Variants in INSIG1 observed in about 807,000 individuals in gnomAD.
The protein encoded by INSIG1 is insulin-induced gene 1 protein.
A neutral mutation model predicts 26.5 loss-of-function variants in INSIG1; 14 were observed. The observed-to-expected ratio is 0.53, with a 90% CI of 0.35 to 0.83. The LOEUF is 0.83. Among genes scored for constraint, INSIG1 ranks in the 40% least tolerant of loss-of-function variants. The probability of loss-of-function intolerance (pLI) is 0.01; values close to 1 mark genes in which losing one functional copy is unlikely to be tolerated. For missense variants in INSIG1, 272 were observed against 368.9 expected (o/e 0.74, Z 2.15); for synonymous variants, 147 against 153.3 (o/e 0.96, Z 0.30).
intron 3 of INSIG1, 85 bp downstream of exon 3, chr7:155,301,775 C>T: frequency 1.6e-6 from 2 of 1,280,714 alleles, no homozygotes; most frequent in South Asian, 2.4e-5. Context: ...ACTCAAATGA[C>T]TCCATGTCAT....
rs532177862 is a variant in INSIG1 at position 155,297,991 on chromosome 7, C to G, written c.-28+32C>G. 2.4e-4 allele frequency: 67 copies of G among 284,258 alleles called. No homozygotes were observed. In the East Asian group the frequency reaches 3.3e-3, roughly 14 times the overall value. The allele number at this position is 284,258 out of a possible 1,614,324, so 17.6% of individuals were successfully genotyped here. Reference sequence around the variant, plus strand: ...GGCCGGCTGGGATAGGGGTCGCGGGCGGGCTTTGGTCGCGCAGCAGCCGGT... The same window carrying G: ...GGCCGGCTGGGATAGGGGTCGCGGGGGGGCTTTGGTCGCGCAGCAGCCGGT... On this transcript the variant is annotated intron_variant, in intron 1 of 5. Transcript: ENST00000340368.
Position 155,302,166 on chromosome 7 carries a change from T to C in INSIG1, c.538-85T>C, listed in dbSNP as rs1797806429. 1 of 1,016,252 alleles carries C rather than the reference T, an allele frequency of 9.8e-7. No homozygotes were observed. The highest frequency in any genetic ancestry group is 1.9e-5 in the South Asian group (1 of 53,614). The allele number at this position is 1,016,252 out of a possible 1,614,324, so 63.0% of individuals were successfully genotyped here. ...AATTATCTGTGGTACAATAATAAAA[T>C]ACCCATGTTTTTAACCCTTGTGGTT... On this transcript the variant is annotated intron_variant, in intron 3 of 5. Transcript: ENST00000340368. The surrounding 1 kb of genome is among the most constrained non-coding windows in gnomAD (Gnocchi z 4.3).
intron 2 of INSIG1, among the ~76,000 whole-genome samples, chr7:155,300,110 T>A (rs1797745106): frequency 6.6e-6 from 1 of 152,232 alleles, no homozygotes; most frequent in Non-Finnish European, 1.5e-5. Flanking sequence ...GAACTATATC[T>A]AGATTTAAAA....
At chr7:155,299,096 C>T (rs1797715735) in intron 2 of INSIG1, among the ~76,000 whole-genome samples, 2 of 152,218 alleles carry the variant, frequency 1.3e-5, no homozygotes, top group African/African-American at 4.8e-5. Flanking sequence ...CCATTGGTCG[C>T]GGCAGCAAAC....
At chr7:155,300,985 C>T (rs1585202235) in intron 2 of INSIG1, among the ~76,000 whole-genome samples, 1 of 152,188 alleles carries the variant, frequency 6.6e-6, no homozygotes, top group Non-Finnish European at 1.5e-5. Flanking sequence ...GTGCTCAGTG[C>T]CTCGTACAGA....
In INSIG1 at chr7:155,298,385, G is replaced by T; in HGVS notation, c.100G>T (p.Val34Phe). ...CAGCGCCGCGGGGCTGGCGGCCAAGGTTGGGGAGATGATCAACGTTTCCGT... is the reference window on the plus strand; with the variant it reads ...CAGCGCCGCGGGGCTGGCGGCCAAGTTTGGGGAGATGATCAACGTTTCCGT... The part of the protein sequence containing the change: ...RASAAGLAAK[V>F]GEMINVSVSG... Residue 34 changes from valine to phenylalanine, a missense_variant, in exon 2 of 6, where the codon GTT (valine) becomes TTT (phenylalanine). Val to Phe is a conservative substitution (Grantham distance 50). Transcript: ENST00000340368. 6.4e-7 allele frequency: 1 copy of T among 1,563,676 alleles called. No homozygotes were observed. The highest frequency in any genetic ancestry group is 8.6e-7 in the Non-Finnish European group (1 of 1,156,184).
Position 155,302,461 on chromosome 7 carries a change from A to T in INSIG1, c.704+44A>T, listed in dbSNP as rs1797815915. 7 of 1,509,030 alleles carry T rather than the reference A, an allele frequency of 4.6e-6. No individual in the cohort carries two copies. The highest frequency in any genetic ancestry group is 6.2e-6 in the Non-Finnish European group (7 of 1,121,472). The allele number at this position is 1,509,030 out of a possible 1,614,324, so 93.5% of individuals were successfully genotyped here. A position where few individuals can be genotyped will look rare whatever the true frequency, so the allele number is the denominator to read the frequency against. ...ATATTGGCTTTGGAAAGCTTACTTA[A>T]CTTTCATTAAAACATCCACTAAGCT... On this transcript the variant is annotated intron_variant, in intron 4 of 5. Transcript: ENST00000340368. The surrounding 1 kb of genome is among the most constrained non-coding windows in gnomAD (Gnocchi z 4.3).
chr7:155,298,462 G>T lies in INSIG1; in HGVS notation c.177G>T (p.Ala59=). ...ACGGTGCCCCGGACGCTGACCCCGC[G>T]CCCAGGGGCCGCAGTGCTGCGATGA... is the stretch of plus-strand genomic sequence containing the variant. The part of the protein sequence containing the change: ...AAHGAPDADP[A]PRGRSAAMSG... Residue 59 remains alanine, a synonymous_variant, in exon 2 of 6, where the codon GCG becomes GCT. Coordinates refer to ENST00000340368, the MANE Select transcript of INSIG1 (RefSeq NM_005542.6). The T allele has an allele frequency of 6.4e-7, 1 of 1,556,892 alleles. No homozygotes were observed. The highest frequency in any genetic ancestry group is 8.7e-7 in the Non-Finnish European group (1 of 1,152,376).
At chr7:155,305,572 C>T (rs1444314644) in intron 5 of INSIG1, among the ~76,000 whole-genome samples, 1 of 152,154 alleles carries the variant, frequency 6.6e-6, no homozygotes, top group Non-Finnish European at 1.5e-5. Flanking sequence ...AAACCTACAC[C>T]AAGTAAGGCT....
intron 5 of INSIG1, among the ~76,000 whole-genome samples, chr7:155,307,983 T>G (rs1797980386): frequency 6.6e-6 from 1 of 152,218 alleles, no homozygotes. Flanking sequence ...TAATTTCACC[T>G]GAGGCAGAGA....
At chr7:155,303,954 G>A in intron 5 of INSIG1, 3 of 834,786 alleles carry the variant, frequency 3.6e-6, no homozygotes, top group Non-Finnish European at 5.3e-6. Context: ...TCTCATGATG[G>A]AGAAGAAAGG....
chr7:155,308,516 C>T lies in INSIG1; in HGVS notation c.*246C>T, dbSNP rs1797998727. 2 of 528,264 alleles carry T rather than the reference C, an allele frequency of 3.8e-6. No individual in the cohort carries two copies. Among genetic ancestry groups the T allele is most frequent in the African/African-American group, 3.7e-5 (2 of 53,600 alleles). The allele number at this position is 528,264 out of a possible 1,614,324, so 32.7% of individuals were successfully genotyped here. On this transcript the variant is annotated 3_prime_UTR_variant, in exon 6 of 6. Coordinates refer to ENST00000340368, the MANE Select transcript of INSIG1 (RefSeq NM_005542.6). ...TGTGCCCTGGAGCATTCTGCCCAGG[C>T]TACGTGGGTTCAGGCAGGTGGCAGC... is the stretch of plus-strand genomic sequence containing the variant.
In INSIG1 at chr7:155,302,362, A is replaced by G; in HGVS notation, c.649A>G (p.Ile217Val). ...SRSGLGLGIT[I>V]AFLATLITQF... is the part of the protein sequence containing the mutation. ...AAGTGGCCTTGGGCTGGGGATCACCATAGCTTTTCTAGCTACGCTGATCAC... is the reference window on the plus strand; with the variant it reads ...AAGTGGCCTTGGGCTGGGGATCACCGTAGCTTTTCTAGCTACGCTGATCAC... Residue 217 changes from isoleucine to valine, a missense_variant, in exon 4 of 6, where the codon ATA becomes GTA. Coordinates refer to ENST00000340368, the MANE Select transcript of INSIG1 (RefSeq NM_005542.6). The surrounding 1 kb of genome is among the most constrained non-coding windows in gnomAD (Gnocchi z 4.3). The G allele has an allele frequency of 1.2e-6, 2 of 1,611,220 alleles. No individual in the cohort carries two copies. Among genetic ancestry groups the G allele is most frequent in the South Asian group, 1.1e-5 (1 of 90,624 alleles).
At position 155,302,169 on chromosome 7, in the gene INSIG1, C is replaced by T. The variant is rs1252386072; in HGVS notation, c.538-82C>T. Reference sequence around the variant, plus strand: ...TATCTGTGGTACAATAATAAAATACCCATGTTTTTAACCCTTGTGGTTTTA... The same window carrying T: ...TATCTGTGGTACAATAATAAAATACTCATGTTTTTAACCCTTGTGGTTTTA... On this transcript the variant is annotated intron_variant, in intron 3 of 5. Transcript: ENST00000340368. The surrounding 1 kb of genome is among the most constrained non-coding windows in gnomAD (Gnocchi z 4.3). 3 of 1,034,994 alleles carry T rather than the reference C, an allele frequency of 2.9e-6. No individual in the cohort carries two copies. The highest frequency in any genetic ancestry group is 1.6e-5 in the African/African-American group (1 of 60,644). The allele number at this position is 1,034,994 out of a possible 1,614,324, so 64.1% of individuals were successfully genotyped here. A position where few individuals can be genotyped will look rare whatever the true frequency, so the allele number is the denominator to read the frequency against.
Position 155,309,962 on chromosome 7 carries a change from C to A in INSIG1, c.*1692C>A, listed in dbSNP as rs1330727532. 1 of 152,610 alleles carries A rather than the reference C, an allele frequency of 6.6e-6. No individual in the cohort carries two copies. The highest frequency in any genetic ancestry group is 2.4e-5 in the African/African-American group (1 of 41,428). The allele number at this position is 152,610 out of a possible 1,614,324, so 9.5% of individuals were successfully genotyped here. ...TTTAAAACAGACTTGATCACGCACA[C>A]ACAATAAGTCTTTCTCTCCGAAACC... On this transcript the variant is annotated 3_prime_UTR_variant, in exon 6 of 6. Coordinates refer to ENST00000340368, the MANE Select transcript of INSIG1 (RefSeq NM_005542.6).
intron 5 of INSIG1, among the ~76,000 whole-genome samples, chr7:155,306,344 T>C (rs868850538): frequency 6.6e-6 from 1 of 152,262 alleles, no homozygotes; most frequent in East Asian, 1.9e-4. Flanking sequence ...CCATCATTTA[T>C]AGAACTTGTA....
In INSIG1 at chr7:155,302,225, CTT is replaced by C. The variant is rs750612055; in HGVS notation, c.538-23_538-22del. ...TTTTATCTTAATAAGAGTCAGCAAA[CTT>C]TTCCTTAACTTTTATATCACCAGAA... On this transcript the variant is annotated intron_variant, in intron 3 of 5. Transcript: ENST00000340368. This position sits in a 1 kb window ranked among gnomAD's most constrained non-coding sequence, Gnocchi z 4.3. 7 of 1,528,386 alleles carry C rather than the reference CTT, an allele frequency of 4.6e-6. No individual in the cohort carries two copies. The African/African-American group carries it at 8.5e-5, about 19-fold the overall frequency. The allele number at this position is 1,528,386 out of a possible 1,614,324, so 94.7% of individuals were successfully genotyped here.
chr7:155,298,166 T>G (rs1469044573), intron 1 of INSIG1, 93 bp from the exon 2 acceptor site: 2 of 1,128,902 alleles, frequency 1.8e-6, no homozygotes, highest in Non-Finnish European at 2.3e-6. Context: ...GGGGCGGCGC[T>G]GCCGCCTGGC....
intron 5 of INSIG1, among the ~76,000 whole-genome samples, chr7:155,306,020 C>T (rs1797927074): frequency 6.6e-6 from 1 of 152,054 alleles, no homozygotes; most frequent in African/African-American, 2.4e-5. Flanking sequence ...TTTTTTGAGA[C>T]GGAGTCTTGC....
Sources: allele counts gnomAD v4.1 joint callset (sites outside exome capture counted in the v4.1 genomes callset), GRCh38; gene constraint gnomAD v4.1.1; non-coding constraint Gnocchi (gnomAD v3.1); transcripts MANE v1.5; gene names NCBI Gene and HGNC (gene_info 2026-07-23, HGNC 2026-07-21).